MIER2: variants seen among roughly 807,000 people sequenced by gnomAD.
MIER2 encodes MIER family member 2, also known as mesoderm induction early response protein 2.
Under a neutral mutation model 67.6 loss-of-function variants are expected in MIER2, and 30 were observed. The observed-to-expected ratio is 0.44, with a 90% confidence interval of 0.33 to 0.60. The LOEUF is 0.60. Among genes scored for constraint, MIER2 ranks in the 20% least tolerant of loss-of-function variants. MIER2 has a pLI of 0.02. For synonymous variants in MIER2, 372 were observed against 312.6 expected (o/e 1.19, Z -2.00); for missense variants, 702 against 745.1 (o/e 0.94, Z 0.67).
intron 12 of MIER2, among the ~76,000 whole-genome samples, chr19:307,959 G>A (rs1157157556): frequency 2.6e-5 from 4 of 152,006 alleles, no homozygotes. Flanking sequence ...ACAATTCTAG[G>A]AAGTAGCCGA....
intron 7 of MIER2, among the ~76,000 whole-genome samples, chr19:316,811 A>C (rs1243622823): frequency 6.6e-6 from 1 of 151,954 alleles, no homozygotes; most frequent in Admixed American, 6.5e-5. Flanking sequence ...CCTACTAAAA[A>C]TACAAAAATT....
chr19:342,389 C>T (rs2145577552), intron 1 of MIER2, among the ~76,000 whole-genome samples: 1 of 152,048 alleles, frequency 6.6e-6, no homozygotes, highest in Admixed American at 6.6e-5. Flanking sequence ...TGGGGGGCCT[C>T]AGTCGAGGTG....
At position 311,642 on chromosome 19, in the gene MIER2, C is replaced by T. The variant is rs1022894759; in HGVS notation, c.984+203G>A. ...GCCACATTCTTTCCCAAAGCCAGAG[C>T]CTTGTTCTTGTGGGGACAGGAAAGG... On this transcript the variant is annotated intron_variant, in intron 10 of 13. Transcript: ENST00000264819. Among the ~76,000 whole-genome samples the T allele has an allele frequency of 3.9e-5, 6 of 152,254 alleles. No individual in the cohort carries two copies. The South Asian group carries it at 1.2e-3, about 32-fold the overall frequency.
chr19:343,229 C>T (rs927995443), intron 1 of MIER2, among the ~76,000 whole-genome samples: 3 of 152,220 alleles, frequency 2.0e-5, no homozygotes, highest in African/African-American at 7.2e-5. Context: ...CACATGGCAG[C>T]TCTGGGGGAG....
At position 307,450 on chromosome 19, in the gene MIER2, A is replaced by G. The variant is rs1301935491; in HGVS notation, c.1285T>C (p.Cys429Arg). The change falls in exon 13 of 14, where the codon TGT becomes CGT. Residue 429 changes from cysteine to arginine, a missense_variant. Cys to Arg is a radical substitution (Grantham distance 180). Transcript: ENST00000264819. ...DGLPSSEPGP[C>R]SFQQLDESPA... The stretch of plus-strand genomic sequence containing the variant: ...GACTCATCCAGCTGCTGGAAGGAAC[A>G]CGGCCCTGGCTCCGAGGACGGGAGT... 1.3e-6 allele frequency: 2 copies of G among 1,582,990 alleles called. No homozygotes were observed. The highest frequency in any genetic ancestry group is 1.3e-5 in the African/African-American group (1 of 74,450).
At position 336,316 on chromosome 19, in the gene MIER2, T is replaced by C. The variant is rs149305141; in HGVS notation, c.10-143A>G. 0.011 allele frequency: 6,983 copies of C among 655,096 alleles called. 354 individuals carry two copies. In the Admixed American group the frequency reaches 0.12, roughly 11 times the overall value. The allele number at this position is 655,096 out of a possible 1,614,324, so 40.6% of individuals were successfully genotyped here. On this transcript the variant is annotated intron_variant, in intron 1 of 13. Coordinates refer to ENST00000264819, the MANE Select transcript of MIER2 (RefSeq NM_017550.3). Reference sequence around the variant, plus strand: ...GGGCTTTGTCTCCGCCTCTGAGGGCTGGGGGGCACTAGGAGCAGCACACGC... The same window carrying C: ...GGGCTTTGTCTCCGCCTCTGAGGGCCGGGGGGCACTAGGAGCAGCACACGC...
chr19:306,499 C>T lies in MIER2; in HGVS notation c.*191G>A, dbSNP rs1338456042. Reference sequence around the variant, plus strand: ...GACGGCGCTGGGTGGGGCCGTGGGTCCATTCTGTGTGGACAGGGGCAAGGG... The same window carrying T: ...GACGGCGCTGGGTGGGGCCGTGGGTTCATTCTGTGTGGACAGGGGCAAGGG... On this transcript the variant is annotated 3_prime_UTR_variant, in exon 14 of 14. Coordinates refer to ENST00000264819, the MANE Select transcript of MIER2 (RefSeq NM_017550.3). 2 of 760,426 alleles carry T rather than the reference C, an allele frequency of 2.6e-6. No homozygotes were observed. Among genetic ancestry groups the T allele is most frequent in the Admixed American group, 2.7e-5 (1 of 37,292 alleles). The allele number at this position is 760,426 out of a possible 1,614,324, so 47.1% of individuals were successfully genotyped here.
Position 344,663 on chromosome 19 carries a change from C to G in MIER2, c.9+111G>C, listed in dbSNP as rs988889007. 24 of 724,840 alleles carry G rather than the reference C, an allele frequency of 3.3e-5. No individual in the cohort carries two copies. The African/African-American group carries it at 4.6e-4, about 14-fold the overall frequency. The allele number at this position is 724,840 out of a possible 1,614,324, so 44.9% of individuals were successfully genotyped here. A position where few individuals can be genotyped will look rare whatever the true frequency, so the allele number is the denominator to read the frequency against. Reference sequence around the variant, plus strand: ...CCAGGCGCCCCGGCCGGCCTCAGAGCTCCAGAGCGGGGCTCTCCGTCCCTG... The same window carrying G: ...CCAGGCGCCCCGGCCGGCCTCAGAGGTCCAGAGCGGGGCTCTCCGTCCCTG... On this transcript the variant is annotated intron_variant, in intron 1 of 13. Transcript: ENST00000264819.
chr19:335,555 G>A (rs1390565133), intron 2 of MIER2, among the ~76,000 whole-genome samples: 2 of 152,212 alleles, frequency 1.3e-5, no homozygotes, highest in African/African-American at 2.4e-5. Context: ...ACACCTGGCA[G>A]AAGGAGCCCA....
At chr19:331,355 C>T (rs536294043) in intron 3 of MIER2, among the ~76,000 whole-genome samples, 15 of 112,716 alleles carry the variant, frequency 1.3e-4, no homozygotes, top group African/African-American at 6.0e-4. Context: ...GAGACTCTGT[C>T]CCCAGAAAAA....
rs561981790 is a variant in MIER2, at chr19:308,801, G to A, written c.1109C>T (p.Thr370Met). ...GRRKYVPSGTTDADQDLDGSD... is the reference protein window; with the variant it reads ...GRRKYVPSGTMDADQDLDGSD... The stretch of plus-strand genomic sequence containing the variant: ...TACTGCTGGGGAGGGCTGCACGCAC[G>A]TGGTTCCGGACGGGACGTACTTCCT... Residue 370 changes from threonine to methionine, a missense_variant and splice_region_variant, in exon 11 of 14, where the codon ACG (threonine) becomes ATG (methionine). Physicochemically the swap from Thr to Met is moderately conservative, Grantham distance 81. Around this residue, in one of 3 missense-constraint regions of MIER2, gnomAD observed 254 missense variants for 262.8 expected, o/e 0.97. Transcript: ENST00000264819. The surrounding 1 kb of genome is among the most constrained non-coding windows in gnomAD (Gnocchi z 9.1). 2.8e-5 allele frequency: 45 copies of A among 1,601,500 alleles called. No homozygotes were observed. Among genetic ancestry groups the A allele is most frequent in the Middle Eastern group, 1.7e-4 (1 of 6,028 alleles).
rs143165823 is a variant in MIER2 at position 337,154 on chromosome 19, T to C, written c.10-981A>G. Among the ~76,000 whole-genome samples the C allele has an allele frequency of 1.8e-3, 274 of 152,248 alleles. 1 individual carries two copies. Among genetic ancestry groups the C allele is most frequent in the African/African-American group, 6.2e-3 (257 of 41,546 alleles). ...CTACCGCAAGCCACGATATCTCTCA[T>C]GTACATAAACACAAAACCCTCAACA... is the stretch of plus-strand genomic sequence containing the variant. On this transcript the variant is annotated intron_variant, in intron 1 of 13. Coordinates refer to ENST00000264819, the MANE Select transcript of MIER2 (RefSeq NM_017550.3).
Position 327,260 on chromosome 19 carries a change from TAAAAAAA to T in MIER2, c.370-11_370-5del. 1 of 1,461,694 alleles carries T rather than the reference TAAAAAAA, an allele frequency of 6.8e-7. No homozygotes were observed. The highest frequency in any genetic ancestry group is 9.2e-7 in the Non-Finnish European group (1 of 1,091,740). The allele number at this position is 1,461,694 out of a possible 1,614,324, so 90.5% of individuals were successfully genotyped here. On this transcript the variant is annotated splice_region_variant and splice_polypyrimidine_tract_variant and intron_variant, in intron 4 of 13. Coordinates refer to ENST00000264819, the MANE Select transcript of MIER2 (RefSeq NM_017550.3). The stretch of plus-strand genomic sequence containing the variant: ...GCAAATCCTTCGCTATTTGTTCCTT[TAAAAAAA>T]AAAAAAAAAGTAAAGAACATTTTAC...
rs1971995179 is a variant in MIER2, at chr19:330,944, GAATACCCAC to G, written c.244-2964_244-2956del. The stretch of plus-strand genomic sequence containing the variant: ...TGGGTTTTGCTGTAGCATCAAAGAA[GAATACCCAC>G]AATTATCCGAAAAGCTGTGAAATAC... On this transcript the variant is annotated intron_variant, in intron 3 of 13. Coordinates refer to ENST00000264819, the MANE Select transcript of MIER2 (RefSeq NM_017550.3). Among the ~76,000 whole-genome samples the G allele has an allele frequency of 2.0e-5, 3 of 152,182 alleles. No individual in the cohort carries two copies. The East Asian group carries it at 5.8e-4, about 29-fold the overall frequency.
In MIER2 at chr19:308,627, C is replaced by T; in HGVS notation, c.1148G>A (p.Gly383Asp). The part of the protein sequence containing the change: ...DQDLDGSDPD[G>D]PGRPRPEQDT... Reference sequence around the variant, plus strand: ...TTGCTCCGGGCGCGGACGGCCGGGGCCATCGGGGTCGCTGCCATCCAGGTC... The same window carrying T: ...TTGCTCCGGGCGCGGACGGCCGGGGTCATCGGGGTCGCTGCCATCCAGGTC... The change falls in exon 12 of 14, where the codon GGC becomes GAC. Residue 383 changes from glycine (G) to aspartate (D), a missense_variant. Transcript: ENST00000264819. This position sits in a 1 kb window ranked among gnomAD's most constrained non-coding sequence, Gnocchi z 9.1. 3.1e-6 allele frequency: 5 copies of T among 1,606,498 alleles called. No homozygotes were observed. Among genetic ancestry groups the T allele is most frequent in the Non-Finnish European group, 4.2e-6 (5 of 1,177,702 alleles).
rs1970657095 is a variant in MIER2 at position 306,538 on chromosome 19, C to T, written c.*152G>A. The T allele has an allele frequency of 9.5e-7, 1 of 1,050,786 alleles. No individual in the cohort carries two copies. Among genetic ancestry groups the T allele is most frequent in the African/African-American group, 1.6e-5 (1 of 63,158 alleles). The allele number at this position is 1,050,786 out of a possible 1,614,324, so 65.1% of individuals were successfully genotyped here. ...CAGGGGCAAGGGCTCACGGCCCAGCCACCTCACCCCAGTCCTGACGTGTTC... is the reference window on the plus strand; with the variant it reads ...CAGGGGCAAGGGCTCACGGCCCAGCTACCTCACCCCAGTCCTGACGTGTTC... On this transcript the variant is annotated 3_prime_UTR_variant, in exon 14 of 14. Transcript: ENST00000264819.
intron 1 of MIER2, among the ~76,000 whole-genome samples, chr19:341,541 G>A (rs1031232628): frequency 1.2e-4 from 19 of 152,100 alleles, no homozygotes; most frequent in Non-Finnish European, 2.2e-4. Flanking sequence ...AACTTACCAC[G>A]GAATACAGAC....
At position 306,604 on chromosome 19, in the gene MIER2, G is replaced by A. The variant is rs920191419; in HGVS notation, c.*86C>T. On this transcript the variant is annotated 3_prime_UTR_variant, in exon 14 of 14. Transcript: ENST00000264819. ...TGCTACCCCAAGGCCCGGGGGGTGG[G>A]GAAGGGGTCAGGAAGACTGACAGAG... The A allele has an allele frequency of 6.6e-7, 1 of 1,524,342 alleles. No individual in the cohort carries two copies. Among genetic ancestry groups the A allele is most frequent in the Non-Finnish European group, 8.9e-7 (1 of 1,123,488 alleles). 94.4% of individuals were successfully genotyped at this position (1,524,342 alleles called of 1,614,324 possible). A position where few individuals can be genotyped will look rare whatever the true frequency, so the allele number is the denominator to read the frequency against.
rs147072896 is a variant in MIER2, at chr19:307,452, G to A, written c.1283C>T (p.Pro428Leu). The A allele has an allele frequency of 9.5e-6, 15 of 1,580,724 alleles. No individual in the cohort carries two copies. Among genetic ancestry groups the A allele is most frequent in the East Asian group, 4.5e-5 (2 of 44,324 alleles). Reference protein sequence around the residue: ...SDGLPSSEPGPCSFQQLDESP... With the variant: ...SDGLPSSEPGLCSFQQLDESP... ...CTCATCCAGCTGCTGGAAGGAACAC[G>A]GCCCTGGCTCCGAGGACGGGAGTCC... The change falls in exon 13 of 14, where the codon CCG (proline) becomes CTG (leucine). Residue 428 changes from proline to leucine, a missense_variant. Pro to Leu is a moderately conservative substitution (Grantham distance 98). Around this residue, in one of 3 missense-constraint regions of MIER2, gnomAD observed 254 missense variants for 262.8 expected, o/e 0.97. Transcript: ENST00000264819.
Sources: gnomAD v4.1 joint callset for allele counts (sites outside exome capture counted in the v4.1 genomes callset) on GRCh38, gnomAD v4.1.1 for gene constraint, gnomAD v4.1.1 regional missense constraint, Gnocchi (gnomAD v3.1) non-coding constraint, MANE v1.5 for transcripts, NCBI Gene and HGNC (gene_info 2026-07-23, HGNC 2026-07-21) for gene names.